The following LARP4B variants were observed in gnomAD, a reference collection of about 807,000 sequenced individuals.
LARP4B encodes la-related protein 4B.
A neutral mutation model predicts 89.8 loss-of-function variants in LARP4B; 12 were observed. The ratio of observed to expected loss-of-function variants is 0.13; its 90% CI spans 0.09 to 0.22. LARP4B has a LOEUF of 0.22. Ranked by LOEUF, LARP4B falls within the 10% of genes least tolerant of loss-of-function variation. LARP4B has a pLI of 1.00. For synonymous variants in LARP4B, 367 were observed against 363.3 expected, an observed-to-expected ratio of 1.01 and a Z score of -0.12; for missense variants, 757 against 947.7, an observed-to-expected ratio of 0.80 and a Z score of 2.64.
At chr10:866,487 G>A (rs932693337) in intron 3 of LARP4B, among the ~76,000 whole-genome samples, 6 of 152,230 alleles carry the variant, frequency 3.9e-5, no homozygotes, top group African/African-American at 9.6e-5. Flanking sequence ...GCTACATGAG[G>A]GGGCAGGAGA....
chr10:908,058 T>C (rs1052378728), intron 1 of LARP4B, among the ~76,000 whole-genome samples: 2 of 152,072 alleles, frequency 1.3e-5, no homozygotes, highest in African/African-American at 4.8e-5. Context: ...ATACAAAAAT[T>C]AGCTGGGCCT....
At chr10:833,543 C>T (rs188623727) in intron 8 of LARP4B, among the ~76,000 whole-genome samples, 162 of 152,274 alleles carry the variant, frequency 1.1e-3, no homozygotes, top group Non-Finnish European at 1.8e-3. Flanking sequence ...TAAATTTAAT[C>T]ACATCATTAC....
At chr10:841,618 C>G (rs1157457853) in intron 7 of LARP4B, among the ~76,000 whole-genome samples, 2 of 152,234 alleles carry the variant, frequency 1.3e-5, no homozygotes, top group Non-Finnish European at 2.9e-5. Flanking sequence ...AAACCTGAAA[C>G]TCCTAATCAT....
chr10:817,852 G>A lies in LARP4B; in HGVS notation c.1568C>T (p.Pro523Leu), dbSNP rs781052480. 19 of 1,614,042 alleles carry A rather than the reference G, an allele frequency of 1.2e-5. No homozygotes were observed. Among genetic ancestry groups the A allele is most frequent in the African/African-American group, 1.3e-5 (1 of 74,916 alleles). Residue 523 changes from proline (P) to leucine (L), a missense_variant, in exon 15 of 18, where the codon CCG becomes CTG. Transcript: ENST00000316157. ...QTQSPTPPKP[P>L]SPSFELGLSS... is the part of the protein sequence containing the mutation. ...CAGCCCCAGCTCGAAGCTTGGCGAC[G>A]GAGGCTTTGGTGGCGTTGGAGACTG...
At chr10:894,932 C>A (rs1836141427) in intron 1 of LARP4B, among the ~76,000 whole-genome samples, 1 of 152,208 alleles carries the variant, frequency 6.6e-6, no homozygotes, top group Non-Finnish European at 1.5e-5. Context: ...CATCTGTAAT[C>A]CCAGCACTTT....
chr10:960,495 T>G, the LARP4B span, among the ~76,000 whole-genome samples: 1 of 151,708 alleles, frequency 6.6e-6, no homozygotes, highest in Non-Finnish European at 1.5e-5. Context: ...TCATTTGAGG[T>G]CAGGAGTTTG....
At chr10:872,532 T>G (rs922877408) in intron 3 of LARP4B, among the ~76,000 whole-genome samples, 1 of 152,230 alleles carries the variant, frequency 6.6e-6, no homozygotes, top group Admixed American at 6.5e-5. Context: ...CCAACAGGGT[T>G]TCCATCTTTC....
the LARP4B span, among the ~76,000 whole-genome samples, chr10:950,632 C>T: frequency 6.6e-6 from 1 of 152,034 alleles, no homozygotes; most frequent in Non-Finnish European, 1.5e-5. Flanking sequence ...CGATGAACAC[C>T]CTGCGTCTCT....
chr10:954,351 A>G, the LARP4B span, among the ~76,000 whole-genome samples: 8 of 152,090 alleles, frequency 5.3e-5, no homozygotes, highest in South Asian at 2.1e-4. This position sits in a 1 kb window ranked among gnomAD's most constrained non-coding sequence, Gnocchi z 5.0. Flanking sequence ...GGCCTCCTAC[A>G]TGTGGACGCG....
rs542229065 is a variant in LARP4B at position 919,067 on chromosome 10, T to C, written c.-40+12361A>G. Among the ~76,000 whole-genome samples, 12 of 152,166 alleles carry C rather than the reference T, an allele frequency of 7.9e-5. No homozygotes were observed. The East Asian group carries it at 2.3e-3, about 29-fold the overall frequency. ...CTGCACTCCAGCCTGGGCAACTGAG[T>C]GAGACTCCGTCTCAAAAAAAAGATA... On this transcript the variant is annotated intron_variant, in intron 1 of 17. Transcript: ENST00000316157.
Position 836,388 on chromosome 10 carries a change from G to A in LARP4B, c.750+15C>T, listed in dbSNP as rs1270482678. The A allele has an allele frequency of 6.6e-7, 1 of 1,510,308 alleles. No homozygotes were observed. The highest frequency in any genetic ancestry group is 9.2e-7 in the Non-Finnish European group (1 of 1,090,556). 93.6% of individuals were successfully genotyped at this position (1,510,308 alleles called of 1,614,324 possible). ...GGAAAATGTCCAAGTAACCTTCAGA[G>A]GAGAAATTACTTACTTCCACGGGGG... is the stretch of plus-strand genomic sequence containing the variant. On this transcript the variant is annotated intron_variant, in intron 8 of 17. Transcript: ENST00000316157.
the LARP4B span, among the ~76,000 whole-genome samples, chr10:947,372 G>T: frequency 2.6e-5 from 4 of 152,032 alleles, no homozygotes; most frequent in Non-Finnish European, 5.9e-5. Flanking sequence ...GGCTCTCGGG[G>T]GCAGGATGGC....
chr10:910,318 A>G (rs1449123525), intron 1 of LARP4B, among the ~76,000 whole-genome samples: 1 of 152,180 alleles, frequency 6.6e-6, no homozygotes, highest in Non-Finnish European at 1.5e-5. Context: ...GCTTGGCCCA[A>G]ATCAACTCTC....
chr10:828,293 C>G (rs972237146), intron 11 of LARP4B, among the ~76,000 whole-genome samples: 1 of 152,232 alleles, frequency 6.6e-6, no homozygotes, highest in African/African-American at 2.4e-5. Context: ...AAAACTCATA[C>G]TTAACCTGAA....
At chr10:915,832 CAAAA>C (rs71297915) in intron 1 of LARP4B, among the ~76,000 whole-genome samples, 5 of 75,150 alleles carry the variant, frequency 6.7e-5, no homozygotes, top group Non-Finnish European at 2.6e-5. Context: ...GACTCCGCCT[CAAAA>C]AAAAAAAAAA....
chr10:932,016 G>A (rs1181740688), upstream of LARP4B, among the ~76,000 whole-genome samples: 2 of 119,652 alleles, frequency 1.7e-5, no homozygotes, highest in East Asian at 3.0e-4. Flanking sequence ...CGGCGCGACC[G>A]GAGCGCCTGA....
intron 14 of LARP4B, chr10:818,367 A>G (rs1276543553): frequency 6.6e-6 from 1 of 152,506 alleles, no homozygotes; most frequent in Non-Finnish European, 1.5e-5. Flanking sequence ...CTCTCTCCAC[A>G]ACCTGTGTAA....
At chr10:977,421 C>A in the LARP4B span, among the ~76,000 whole-genome samples, 2 of 152,018 alleles carry the variant, frequency 1.3e-5, no homozygotes, top group Non-Finnish European at 2.9e-5. Flanking sequence ...TGCCTGTATT[C>A]CCAGCTATTC....
intron 3 of LARP4B, among the ~76,000 whole-genome samples, chr10:876,619 G>A (rs571728920): frequency 6.6e-4 from 101 of 152,322 alleles, no homozygotes; most frequent in Non-Finnish European, 1.4e-3. Context: ...AGTCCACCCA[G>A]CAGCTGTCAG....
Sources: allele counts gnomAD v4.1 joint callset (sites outside exome capture counted in the v4.1 genomes callset), GRCh38; gene constraint gnomAD v4.1.1; non-coding constraint Gnocchi (gnomAD v3.1); transcripts MANE v1.5; gene names NCBI Gene and HGNC (gene_info 2026-07-23, HGNC 2026-07-21).